Variants in PRDM16 observed in about 807,000 individuals in gnomAD.
The protein encoded by PRDM16 is histone-lysine N-methyltransferase PRDM16.
PRDM16 carries 23 observed loss-of-function variants against 110.6 expected under a neutral mutation model. The observed-to-expected ratio is 0.21, with a 90% CI of 0.15 to 0.29. PRDM16 has a LOEUF of 0.29. PRDM16 is among the 10% of genes least tolerant of loss of function. The pLI, the probability that PRDM16 is intolerant of heterozygous loss-of-function variation, is 1.00. For synonymous variants in PRDM16, 799 were observed against 781.8 expected (o/e 1.02, Z -0.37); for missense variants, 1,615 against 1,794.3 (o/e 0.90, Z 1.81).
chr1:3,141,530 T>C (rs1198837268), intron 1 of PRDM16, among the ~76,000 whole-genome samples: 3 of 152,230 alleles, frequency 2.0e-5, no homozygotes, highest in African/African-American at 7.2e-5. Flanking sequence ...AATTGTACAA[T>C]ACGTTATCAG....
At chr1:3,146,435 GGT>G (rs1643654063) in intron 1 of PRDM16, among the ~76,000 whole-genome samples, 1 of 152,004 alleles carries the variant, frequency 6.6e-6, no homozygotes, top group South Asian at 2.1e-4. Context: ...AGGTGTGAGG[GGT>G]GTGTGTGCAC....
chr1:3,251,005 A>G (rs1487403027), intron 3 of PRDM16, among the ~76,000 whole-genome samples: 1 of 152,222 alleles, frequency 6.6e-6, no homozygotes, highest in East Asian at 1.9e-4. Flanking sequence ...GTCATCAGAA[A>G]TGACTTCTAT....
intron 1 of PRDM16, among the ~76,000 whole-genome samples, chr1:3,115,723 G>A (rs1456617894): frequency 6.6e-6 from 1 of 152,250 alleles, no homozygotes; most frequent in East Asian, 1.9e-4. Context: ...TTGGCCTGCA[G>A]TCCTGCCTTC....
chr1:3,087,323 C>T (rs1456397122), intron 1 of PRDM16, among the ~76,000 whole-genome samples: 1 of 152,022 alleles, frequency 6.6e-6, no homozygotes, highest in African/African-American at 2.4e-5. Flanking sequence ...CCTTCACATC[C>T]CTCTACAGCA....
At chr1:3,174,601 G>A (rs1007049855) in intron 1 of PRDM16, among the ~76,000 whole-genome samples, 3 of 152,142 alleles carry the variant, frequency 2.0e-5, no homozygotes, top group African/African-American at 7.2e-5. Flanking sequence ...CCGTGTCTGC[G>A]ACAAAGGCGA....
At chr1:3,274,389 C>T (rs566807840) in intron 3 of PRDM16, among the ~76,000 whole-genome samples, 254 of 152,244 alleles carry the variant, frequency 1.7e-3, no homozygotes, top group Non-Finnish European at 2.7e-3. Flanking sequence ...CATAAAGTAA[C>T]ATATTTCTAA....
chr1:3,382,793 C>T lies in PRDM16; in HGVS notation c.439-2359C>T, dbSNP rs1235703655. 6.6e-6 allele frequency among the ~76,000 whole-genome samples: 1 copy of T among 152,184 alleles called. No homozygotes were observed. Among genetic ancestry groups the T allele is most frequent in the Non-Finnish European group, 1.5e-5 (1 of 68,026 alleles). ...GGGTCCCAGGTGGGAGGGCACGGCC[C>T]GCCCTGGGTGAGCACCAGCCCTCAG... is the stretch of plus-strand genomic sequence containing the variant. On this transcript the variant is annotated intron_variant, in intron 3 of 16. Coordinates refer to ENST00000270722, the MANE Select transcript of PRDM16 (RefSeq NM_022114.4). The surrounding 1 kb of genome is among the most constrained non-coding windows in gnomAD (Gnocchi z 6.6).
intron 3 of PRDM16, among the ~76,000 whole-genome samples, chr1:3,293,074 C>T (rs1372422958): frequency 8.5e-5 from 13 of 152,254 alleles, no homozygotes; most frequent in Admixed American, 7.8e-4. Flanking sequence ...AGGGACATCG[C>T]CCATGAGGGC....
chr1:3,297,280 ATTT>A (rs34666813), intron 3 of PRDM16, among the ~76,000 whole-genome samples: 4,256 of 120,950 alleles, frequency 0.035, 242 homozygotes, highest in East Asian at 0.27. Flanking sequence ...GGTGAGAGGA[ATTT>A]TTTTTTTTTT....
At chr1:3,119,174 G>A (rs1643035553) in intron 1 of PRDM16, among the ~76,000 whole-genome samples, 1 of 152,218 alleles carries the variant, frequency 6.6e-6, no homozygotes, top group Non-Finnish European at 1.5e-5. Flanking sequence ...GGGCTGGACA[G>A]CCCCTGCCTG....
chr1:3,159,854 A>T (rs1174140697), intron 1 of PRDM16, among the ~76,000 whole-genome samples: 1 of 152,188 alleles, frequency 6.6e-6, no homozygotes, highest in African/African-American at 2.4e-5. Flanking sequence ...GAGTGTCCAG[A>T]CTCAGAGTGC....
Position 3,438,409 on chromosome 1 carries a change from T to A in PRDM16, c.*4598T>A, listed in dbSNP as rs1005953878. On this transcript the variant is annotated 3_prime_UTR_variant, in exon 17 of 17. Transcript: ENST00000270722. The stretch of plus-strand genomic sequence containing the variant: ...GAAATAAGACGTGAAGTGTAGGAAA[T>A]CATGAAAAGAACAATTTTGCAAATT... 16 of 203,328 alleles carry A rather than the reference T, an allele frequency of 7.9e-5. No individual in the cohort carries two copies. The highest frequency in any genetic ancestry group is 3.7e-4 in the African/African-American group (16 of 43,636). 12.6% of individuals were successfully genotyped at this position (203,328 alleles called of 1,614,324 possible).
At chr1:3,295,671 G>A (rs767404204) in intron 3 of PRDM16, among the ~76,000 whole-genome samples, 3 of 152,192 alleles carry the variant, frequency 2.0e-5, no homozygotes, top group Admixed American at 6.5e-5. Context: ...TGCACACCAC[G>A]CTCGCCCACA....
chr1:3,181,888 A>G (rs560470649), intron 1 of PRDM16, among the ~76,000 whole-genome samples: 14 of 91,362 alleles, frequency 1.5e-4, no homozygotes, highest in East Asian at 1.1e-3. Context: ...TTGCACACGC[A>G]GTCTTACACA....
At chr1:3,364,565 C>T (rs1429558485) in intron 3 of PRDM16, among the ~76,000 whole-genome samples, 6 of 152,304 alleles carry the variant, frequency 3.9e-5, no homozygotes, top group African/African-American at 1.2e-4. Flanking sequence ...AGCCCCTCAC[C>T]CCCGGCAACA....
intron 2 of PRDM16, among the ~76,000 whole-genome samples, chr1:3,214,579 C>T (rs1399467727): frequency 1.3e-5 from 2 of 152,194 alleles, no homozygotes; most frequent in Non-Finnish European, 2.9e-5. Flanking sequence ...CACCTGTAAT[C>T]CCAACTACTT....
chr1:3,369,269 C>T (rs577198438), intron 3 of PRDM16, among the ~76,000 whole-genome samples: 2 of 152,342 alleles, frequency 1.3e-5, no homozygotes, highest in South Asian at 4.1e-4. Flanking sequence ...CACTTCCTAA[C>T]TTGCCGATCT....
In PRDM16 at chr1:3,378,530, C is replaced by G. The variant is rs561185633; in HGVS notation, c.439-6622C>G. Among the ~76,000 whole-genome samples the G allele has an allele frequency of 5.9e-5, 9 of 152,264 alleles. 1 individual carries two copies. The South Asian group carries it at 1.9e-3, about 31-fold the overall frequency. On this transcript the variant is annotated intron_variant, in intron 3 of 16. Coordinates refer to ENST00000270722, the MANE Select transcript of PRDM16 (RefSeq NM_022114.4). ...GGAGTCCGGCAGCCTGGGCTGGGAG[C>G]TGGCCCTGTCTCCAGGGGCCTCCAT... is the stretch of plus-strand genomic sequence containing the variant.
At chr1:3,312,081 G>T (rs72632179) in intron 3 of PRDM16, among the ~76,000 whole-genome samples, 2 of 152,320 alleles carry the variant, frequency 1.3e-5, no homozygotes, top group Non-Finnish European at 2.9e-5. Flanking sequence ...CAGCCCGGCT[G>T]CTCCCCCATG....
Sources: gnomAD v4.1 joint callset for allele counts (sites outside exome capture counted in the v4.1 genomes callset) on GRCh38, gnomAD v4.1.1 for gene constraint, Gnocchi (gnomAD v3.1) non-coding constraint, MANE v1.5 for transcripts, NCBI Gene and HGNC (gene_info 2026-07-23, HGNC 2026-07-21) for gene names.